PDCD2: variants seen among roughly 807,000 people sequenced by gnomAD.
PDCD2 encodes programmed cell death 2, also known as uS5 assembly chaperone PDCD2.
PDCD2 carries 38 observed loss-of-function variants against 38.1 expected under a neutral mutation model. The observed-to-expected ratio is 1.00, with a 90% CI of 0.77 to 1.31. The LOEUF (loss-of-function observed/expected upper bound fraction) is 1.31. PDCD2 is among the 50% of genes most tolerant of loss of function. The pLI is 0.00. For missense variants in PDCD2, 473 were observed against 435.7 expected (o/e 1.09, Z -0.76); for synonymous variants, 205 against 168.9 (o/e 1.21, Z -1.66).
chr6:170,584,261 G>A, intron 1 of PDCD2, 38 bp downstream of exon 1: 1 of 1,369,420 alleles, frequency 7.3e-7, no homozygotes, highest in Non-Finnish European at 9.4e-7. Context: ...GCACGCGTCG[G>A]AGGCATGGCC....
chr6:170,583,767 A>G lies in PDCD2; in HGVS notation c.284-20T>C, dbSNP rs770549829. On this transcript the variant is annotated intron_variant, in intron 1 of 5. Transcript: ENST00000541970. ...TAAAAACTAAAAAAGAATACAGAGA[A>G]AAGTTTTATCTTCAAACAAAACAGC... The G allele has an allele frequency of 4.4e-6, 7 of 1,575,434 alleles. No homozygotes were observed. The highest frequency in any genetic ancestry group is 1.7e-5 in the Admixed American group (1 of 57,442).
intron 3 of PDCD2, chr6:170,582,320 T>C (rs969000766): frequency 5.9e-6 from 9 of 1,534,320 alleles, no homozygotes; most frequent in South Asian, 1.2e-5. Flanking sequence ...TGTTTTGGAA[T>C]GTATGACTGG....
chr6:170,579,112 C>T (rs1339168342), intron 4 of PDCD2, 142 bp from the exon 5 acceptor site: 1 of 590,764 alleles, frequency 1.7e-6, no homozygotes, highest in Middle Eastern at 3.8e-4. Context: ...CCCATCAGAC[C>T]TGGCTGTACC....
rs1779505420 is a variant in PDCD2, at chr6:170,578,474, T to C, written c.876+383A>G. On this transcript the variant is annotated intron_variant, in intron 5 of 5. Transcript: ENST00000541970. ...CAAACCAAGATTAAACAGTAAAGAC[T>C]CCTCTCATAAAGTATATAGTCAAAG... is the stretch of plus-strand genomic sequence containing the variant. The C allele has an allele frequency of 2.0e-5, 12 of 603,062 alleles. No homozygotes were observed. The South Asian group carries it at 2.5e-4, about 12-fold the overall frequency. 37.4% of individuals were successfully genotyped at this position (603,062 alleles called of 1,614,324 possible). A position where few individuals can be genotyped will look rare whatever the true frequency, so the allele number is the denominator to read the frequency against.
chr6:170,579,063 C>G, intron 4 of PDCD2, 93 bp from the exon 5 acceptor site: 1 of 764,894 alleles, frequency 1.3e-6, no homozygotes, highest in Non-Finnish European at 2.2e-6. Context: ...TGTTCCTACT[C>G]TTGATGTAGC....
intron 5 of PDCD2, chr6:170,578,516 CAAGA>C (rs1343151899): frequency 1.5e-6 from 1 of 660,534 alleles, no homozygotes; most frequent in Non-Finnish European, 2.7e-6. Context: ...ATTACTAGAA[CAAGA>C]AAGGAAGGTA....
rs766332437 is a variant in PDCD2, at chr6:170,583,064, C to G, written c.651G>C (p.Gly217=). ...AGTCCTGAAACTGCTTACCCATGCT[C>G]CCTATAATCTCTGAGTAATCTTCCT... The part of the protein sequence containing the change: ...VEKEDYSEII[G]SMGEALEEEL... Residue 217 remains glycine (G), a synonymous_variant, in exon 3 of 6, where the codon GGG becomes GGC. Coordinates refer to ENST00000541970, the MANE Select transcript of PDCD2 (RefSeq NM_002598.4). 1.1e-5 allele frequency: 17 copies of G among 1,612,272 alleles called. No homozygotes were observed. The highest frequency in any genetic ancestry group is 4.0e-5 in the African/African-American group (3 of 74,836).
intron 3 of PDCD2, chr6:170,581,541 T>G (rs1484236626): frequency 3.3e-5 from 5 of 152,924 alleles, no homozygotes. Context: ...GTTCCCACAT[T>G]ATATGAACGT....
Position 170,584,552 on chromosome 6 carries a change from C to G in PDCD2, c.30G>C (p.Glu10Asp). 2 of 1,343,394 alleles carry G rather than the reference C, an allele frequency of 1.5e-6. No individual in the cohort carries two copies. Among genetic ancestry groups the G allele is most frequent in the South Asian group, 3.8e-5 (2 of 52,808 alleles). The allele number at this position is 1,343,394 out of a possible 1,614,324, so 83.2% of individuals were successfully genotyped here. ...CCGGCGCCGACTCGGCGAAGCCCAGCTCCACAGGCCTGGCCCCGGCGGCAG... is the reference window on the plus strand; with the variant it reads ...CCGGCGCCGACTCGGCGAAGCCCAGGTCCACAGGCCTGGCCCCGGCGGCAG... Reference protein sequence around the residue: MAAAGARPVELGFAESAPAW... With the variant: MAAAGARPVDLGFAESAPAW... Residue 10 changes from glutamate to aspartate, a missense_variant, in exon 1 of 6, where the codon GAG becomes GAC. Transcript: ENST00000541970.
chr6:170,582,827 G>C (rs1779655164), intron 3 of PDCD2: 1 of 1,338,298 alleles, frequency 7.5e-7, no homozygotes. Context: ...CCTACTCATG[G>C]GACCATCTGG....
Position 170,582,217 on chromosome 6 carries a change from A to G in PDCD2, c.658+840T>C, listed in dbSNP as rs767494490. The G allele has an allele frequency of 4.8e-6, 7 of 1,457,892 alleles. No homozygotes were observed. The East Asian group carries it at 7.4e-5, about 15-fold the overall frequency. The allele number at this position is 1,457,892 out of a possible 1,614,324, so 90.3% of individuals were successfully genotyped here. On this transcript the variant is annotated intron_variant, in intron 3 of 5. Coordinates refer to ENST00000541970, the MANE Select transcript of PDCD2 (RefSeq NM_002598.4). Reference sequence around the variant, plus strand: ...CCCCAGATATTATTTGGGCTCCTCCATAAGACTGTGAGCATCTGACCACTG... The same window carrying G: ...CCCCAGATATTATTTGGGCTCCTCCGTAAGACTGTGAGCATCTGACCACTG...
chr6:170,581,936 C>T (rs1779615678), intron 3 of PDCD2: 2 of 458,640 alleles, frequency 4.4e-6, no homozygotes, highest in Non-Finnish European at 7.3e-6. Flanking sequence ...TTACTTTACT[C>T]CATAATCTTA....
chr6:170,582,120 T>C lies in PDCD2; in HGVS notation c.658+937A>G, dbSNP rs906457406. 19 of 1,532,660 alleles carry C rather than the reference T, an allele frequency of 1.2e-5. No homozygotes were observed. In the African/African-American group the frequency reaches 2.5e-4, roughly 20 times the overall value. 94.9% of individuals were successfully genotyped at this position (1,532,660 alleles called of 1,614,324 possible). On this transcript the variant is annotated intron_variant, in intron 3 of 5. Coordinates refer to ENST00000541970, the MANE Select transcript of PDCD2 (RefSeq NM_002598.4). Reference sequence around the variant, plus strand: ...CACACGCGCGGCCCCTTCCAGGCAGTCTTCAGTGATGTCACGTGTTCCCAT... The same window carrying C: ...CACACGCGCGGCCCCTTCCAGGCAGCCTTCAGTGATGTCACGTGTTCCCAT...
In PDCD2 at chr6:170,582,594, AAAAT is replaced by A. The variant is rs1202813246; in HGVS notation, c.658+459_658+462del. The A allele has an allele frequency of 1.9e-4, 247 of 1,285,648 alleles. 1 individual carries two copies. The highest frequency in any genetic ancestry group is 1.9e-5 in the Non-Finnish European group (19 of 1,011,046). The allele number at this position is 1,285,648 out of a possible 1,614,324, so 79.6% of individuals were successfully genotyped here. A position where few individuals can be genotyped will look rare whatever the true frequency, so the allele number is the denominator to read the frequency against. On this transcript the variant is annotated intron_variant, in intron 3 of 5. Transcript: ENST00000541970. ...CTGGATAAATGTTGGCTACTATAAT[AAAAT>A]AAGCCTCTAAGATACTTGGTCAGCA...
intron 3 of PDCD2, chr6:170,582,403 A>G (rs775645941): frequency 8.2e-5 from 123 of 1,496,530 alleles, no homozygotes; most frequent in Non-Finnish European, 9.7e-5. Context: ...GGTTTTGTGT[A>G]TGGCTCAAGG....
chr6:170,583,004 C>T, intron 3 of PDCD2, 53 bp downstream of exon 3: 1 of 1,578,356 alleles, frequency 6.3e-7, no homozygotes, highest in East Asian at 2.2e-5. Context: ...GGAGCCCTTT[C>T]TTCCAAGTAT....
rs762589330 is a variant in PDCD2, at chr6:170,577,562, C to CAT, written c.1031_1032insAT (p.Ter345CysfsTer8). 4 of 1,613,150 alleles carry CAT rather than the reference C, an allele frequency of 2.5e-6. No homozygotes were observed. The African/African-American group carries it at 5.3e-5, about 22-fold the overall frequency. ...TTTTCAAGGCTTTAAGATGCCTTTACGGTGTATCTGTTACATCCTGCTTCC... is the reference window on the plus strand; with the variant it reads ...TTTTCAAGGCTTTAAGATGCCTTTACATGGTGTATCTGTTACATCCTGCTTCC... On this transcript the variant is annotated frameshift_variant, in exon 6 of 6. Transcript: ENST00000541970. LOFTEE classifies it high-confidence loss of function.
intron 5 of PDCD2, 76 bp from the exon 6 acceptor site, chr6:170,577,793 A>T: frequency 7.2e-7 from 1 of 1,389,296 alleles, no homozygotes; most frequent in Non-Finnish European, 1.0e-6. Context: ...CAGGATGATT[A>T]TAGGGATCTT....
At chr6:170,582,350 A>C in intron 3 of PDCD2, 1 of 1,533,206 alleles carries the variant, frequency 6.5e-7, no homozygotes, top group Non-Finnish European at 8.7e-7. Flanking sequence ...CAAACCAGTA[A>C]GCTGATGTTT....
Sources: gnomAD v4.1 joint callset for allele counts on GRCh38, gnomAD v4.1.1 for gene constraint, MANE v1.5 for transcripts, NCBI Gene and HGNC (gene_info 2026-07-23, HGNC 2026-07-21) for gene names.